Variants in KCNIP4 observed in about 807,000 individuals in gnomAD.
The protein encoded by KCNIP4 is potassium voltage-gated channel interacting protein 4.
Under a neutral mutation model 34.0 loss-of-function variants are expected in KCNIP4, and 12 were observed. The ratio of observed to expected loss-of-function variants is 0.35; its 90% confidence interval spans 0.23 to 0.57. The LOEUF is 0.57. Ranked by LOEUF, KCNIP4 falls within the 20% of genes least tolerant of loss-of-function variation. KCNIP4 has a pLI of 0.83. For synonymous variants in KCNIP4, 124 were observed against 102.2 expected (o/e 1.21, Z -1.29); for missense variants, 238 against 311.7 (o/e 0.76, Z 1.78).
rs1237836119 is a variant in KCNIP4, at chr4:21,374,389, A to T, written c.62-491680T>A. 2.0e-5 allele frequency among the ~76,000 whole-genome samples: 3 copies of T among 147,080 alleles called. 1 individual carries two copies. Among genetic ancestry groups the T allele is most frequent in the African/African-American group, 8.2e-5 (3 of 36,728 alleles). On this transcript the variant is annotated intron_variant, in intron 1 of 8. Coordinates refer to ENST00000382152, the MANE Select transcript of KCNIP4 (RefSeq NM_025221.6). Reference sequence around the variant, plus strand: ...CCAAGAAAAAGGGGTTTCCCCTTATAAAACCATCAGATCTAGTGAGACATA... The same window carrying T: ...CCAAGAAAAAGGGGTTTCCCCTTATTAAACCATCAGATCTAGTGAGACATA...
In KCNIP4 at chr4:20,740,754, G is replaced by A. The variant is rs138732472; in HGVS notation, c.430-6019C>T. 1.7e-3 allele frequency among the ~76,000 whole-genome samples: 253 copies of A among 152,196 alleles called. 1 individual carries two copies. The highest frequency in any genetic ancestry group is 3.4e-3 in the Middle Eastern group (1 of 294). On this transcript the variant is annotated intron_variant, in intron 5 of 8. Coordinates refer to ENST00000382152, the MANE Select transcript of KCNIP4 (RefSeq NM_025221.6). ...AACCTTAAATGTAAATGGGCTAAACGCACCAATTAAAAGACACAAACTGGC... is the reference window on the plus strand; with the variant it reads ...AACCTTAAATGTAAATGGGCTAAACACACCAATTAAAAGACACAAACTGGC...
chr4:21,155,476 A>G (rs909574755), intron 1 of KCNIP4, among the ~76,000 whole-genome samples: 3 of 152,186 alleles, frequency 2.0e-5, no homozygotes, highest in Non-Finnish European at 4.4e-5. Context: ...CGTTTTGATA[A>G]ATATTATTCC....
rs1211419777 is a variant in KCNIP4, at chr4:21,191,159, A to T, written c.62-308450T>A. 2.0e-5 allele frequency among the ~76,000 whole-genome samples: 3 copies of T among 152,228 alleles called. No homozygotes were observed. In the South Asian group the frequency reaches 6.2e-4, roughly 32 times the overall value. On this transcript the variant is annotated intron_variant, in intron 1 of 8. Transcript: ENST00000382152. ...TGCAGTAAGCACAGAGATATTCTCAACAAAGGTAGAATTTGATAGCATGCA... is the reference window on the plus strand; with the variant it reads ...TGCAGTAAGCACAGAGATATTCTCATCAAAGGTAGAATTTGATAGCATGCA...
chr4:21,447,894 C>T (rs1342412847), intron 1 of KCNIP4, among the ~76,000 whole-genome samples: 1 of 152,102 alleles, frequency 6.6e-6, no homozygotes, highest in East Asian at 1.9e-4. Context: ...AGTGGGATTG[C>T]ACAAGATTTC....
intron 1 of KCNIP4, among the ~76,000 whole-genome samples, chr4:21,202,698 C>A (rs374686055): frequency 6.6e-6 from 1 of 152,190 alleles, no homozygotes; most frequent in African/African-American, 2.4e-5. Context: ...TAACGATTAA[C>A]CATGTTCTTT....
intron 1 of KCNIP4, among the ~76,000 whole-genome samples, chr4:20,946,206 T>C (rs1732177614): frequency 6.6e-6 from 1 of 152,124 alleles, no homozygotes; most frequent in Non-Finnish European, 1.5e-5. Flanking sequence ...TAGGAAAACA[T>C]GCTTTGAGAA....
chr4:20,855,499 G>A (rs1190659890), intron 2 of KCNIP4, among the ~76,000 whole-genome samples: 2 of 152,034 alleles, frequency 1.3e-5, no homozygotes, highest in East Asian at 3.9e-4. Context: ...TGCCAAAGTC[G>A]AGCCATTTTT....
intron 1 of KCNIP4, among the ~76,000 whole-genome samples, chr4:21,690,554 T>C (rs1292992936): frequency 6.6e-6 from 1 of 152,172 alleles, no homozygotes; most frequent in East Asian, 1.9e-4. Flanking sequence ...CTGCTCGCCT[T>C]TCACTTTCCA....
At chr4:20,858,161 A>G (rs1200784062) in intron 2 of KCNIP4, among the ~76,000 whole-genome samples, 1 of 139,484 alleles carries the variant, frequency 7.2e-6, no homozygotes, top group Admixed American at 7.6e-5. Flanking sequence ...CAGTGAGCCG[A>G]GATCTCGCTA....
intron 1 of KCNIP4, among the ~76,000 whole-genome samples, chr4:21,510,980 GTTGTAGCGAGCTGAGA>G (rs1442393578): frequency 6.6e-6 from 1 of 152,166 alleles, no homozygotes; most frequent in Non-Finnish European, 1.5e-5. Context: ...GGAGGCAGAG[GTTGTAGCGAGCTGAGA>G]TTGTTCCACT....
intron 2 of KCNIP4, among the ~76,000 whole-genome samples, chr4:20,853,648 G>A (rs539081135): frequency 3.9e-5 from 6 of 152,074 alleles, no homozygotes; most frequent in African/African-American, 7.2e-5. Flanking sequence ...ATAAATAGCT[G>A]GGACCTCATT....
At chr4:21,422,149 G>T (rs539768666) in intron 1 of KCNIP4, among the ~76,000 whole-genome samples, 2 of 151,402 alleles carry the variant, frequency 1.3e-5, no homozygotes, top group African/African-American at 4.8e-5. Context: ...CCAAGATGCC[G>T]AAATTACAGA....
At chr4:21,407,255 G>T (rs1223185670) in intron 1 of KCNIP4, among the ~76,000 whole-genome samples, 1 of 151,602 alleles carries the variant, frequency 6.6e-6, no homozygotes, top group Admixed American at 6.6e-5. Flanking sequence ...TCACATGGCA[G>T]GCTCACCTCA....
At chr4:20,787,969 T>C (rs550446885) in intron 3 of KCNIP4, among the ~76,000 whole-genome samples, 10 of 152,266 alleles carry the variant, frequency 6.6e-5, no homozygotes, top group African/African-American at 2.4e-4. Context: ...GTAATAGTTC[T>C]TTTTCTCCCT....
chr4:20,937,098 G>A (rs1305643290), intron 1 of KCNIP4, among the ~76,000 whole-genome samples: 1 of 152,002 alleles, frequency 6.6e-6, no homozygotes, highest in Non-Finnish European at 1.5e-5. Flanking sequence ...CTGGCTTTTG[G>A]TGCTGAAACA....
chr4:20,972,294 C>T (rs777967208), intron 1 of KCNIP4, among the ~76,000 whole-genome samples: 2 of 152,138 alleles, frequency 1.3e-5, no homozygotes, highest in Non-Finnish European at 2.9e-5. Flanking sequence ...CAATTTATTT[C>T]GTCTAGATCT....
intron 1 of KCNIP4, among the ~76,000 whole-genome samples, chr4:21,747,256 T>G (rs1485886488): frequency 6.6e-6 from 1 of 152,160 alleles, no homozygotes; most frequent in Non-Finnish European, 1.5e-5. Context: ...TCATAAGAAC[T>G]TGAGAATCCT....
intron 2 of KCNIP4, among the ~76,000 whole-genome samples, chr4:20,871,490 A>C (rs1309137715): frequency 6.6e-6 from 1 of 151,984 alleles, no homozygotes; most frequent in African/African-American, 2.4e-5. Context: ...AGGGCCAGGG[A>C]GTGGCAGGGA....
chr4:21,376,168 T>C (rs1046923525), intron 1 of KCNIP4, among the ~76,000 whole-genome samples: 1 of 152,226 alleles, frequency 6.6e-6, no homozygotes, highest in Non-Finnish European at 1.5e-5. Context: ...TTTTGAAACC[T>C]CTGTGGCAGA....
Sources: gnomAD v4.1 joint callset for allele counts (sites outside exome capture counted in the v4.1 genomes callset) on GRCh38, gnomAD v4.1.1 for gene constraint, MANE v1.5 for transcripts, NCBI Gene and HGNC (gene_info 2026-07-23, HGNC 2026-07-21) for gene names.